The following EPB41L4B variants were observed in gnomAD, a reference collection of about 807,000 sequenced individuals.
EPB41L4B encodes the protein band 4.1-like protein 4B.
A neutral mutation model predicts 112.5 loss-of-function variants in EPB41L4B; 30 were observed. The observed-to-expected ratio is 0.27, with a 90% CI of 0.20 to 0.36. The LOEUF (loss-of-function observed/expected upper bound fraction) is 0.36. Ranked by LOEUF, EPB41L4B falls within the 10% of genes least tolerant of loss-of-function variation. The pLI, the probability that EPB41L4B is intolerant of heterozygous loss-of-function variation, is 1.00. For synonymous variants in EPB41L4B, 408 were observed against 439.7 expected (o/e 0.93, Z 0.90); for missense variants, 1,024 against 1,133.3 (o/e 0.90, Z 1.38).
intron 2 of EPB41L4B, among the ~76,000 whole-genome samples, chr9:109,268,823 G>A (rs542864242): frequency 2.0e-5 from 3 of 151,484 alleles, no homozygotes; most frequent in Admixed American, 6.6e-5. Flanking sequence ...CGTGAACCCA[G>A]GAGGCGGAGC....
At chr9:109,271,302 T>C (rs1179142243) in intron 2 of EPB41L4B, among the ~76,000 whole-genome samples, 1 of 152,230 alleles carries the variant, frequency 6.6e-6, no homozygotes, top group African/African-American at 2.4e-5. Context: ...TAGATGCCTA[T>C]GAAAAGTCTG....
chr9:109,212,058 C>T (rs2118809098), intron 17 of EPB41L4B, among the ~76,000 whole-genome samples: 1 of 152,188 alleles, frequency 6.6e-6, no homozygotes, highest in Non-Finnish European at 1.5e-5. Context: ...GGAGTTGTAA[C>T]TTGACCTCCA....
intron 15 of EPB41L4B, among the ~76,000 whole-genome samples, chr9:109,235,256 A>G (rs1834097699): frequency 6.6e-6 from 1 of 152,010 alleles, no homozygotes; most frequent in Non-Finnish European, 1.5e-5. Flanking sequence ...TTTCAAAGAG[A>G]CATGTCTTTA....
At chr9:109,234,788 GTGGAGGCTGCAGTGGGCCATGAT>G (rs1429303126) in intron 15 of EPB41L4B, among the ~76,000 whole-genome samples, 2 of 152,202 alleles carry the variant, frequency 1.3e-5, no homozygotes, top group Non-Finnish European at 2.9e-5. Context: ...AGCCCCGGAG[GTGGAGGCTGCAGTGGGCCATGAT>G]TGCACCACTG....
intron 21 of EPB41L4B, among the ~76,000 whole-genome samples, chr9:109,192,702 G>A (rs1003609112): frequency 1.3e-5 from 2 of 152,112 alleles, no homozygotes; most frequent in African/African-American, 4.8e-5. Context: ...CCTAGATTAA[G>A]AGGATCAAAT....
At chr9:109,258,671 C>T (rs1160791498) in intron 6 of EPB41L4B, among the ~76,000 whole-genome samples, 1 of 152,212 alleles carries the variant, frequency 6.6e-6, no homozygotes, top group African/African-American at 2.4e-5. Flanking sequence ...TTTAACAAGC[C>T]TCTCGTTAAG....
intron 2 of EPB41L4B, among the ~76,000 whole-genome samples, chr9:109,274,692 C>T (rs1835747885): frequency 1.3e-5 from 2 of 152,170 alleles, no homozygotes; most frequent in South Asian, 4.1e-4. Flanking sequence ...ATATTCAAGC[C>T]GTATAGCCAA....
intron 13 of EPB41L4B, 48 bp downstream of exon 13, chr9:109,251,433 A>G: frequency 1.3e-6 from 2 of 1,570,806 alleles, no homozygotes; most frequent in South Asian, 2.2e-5. Flanking sequence ...GCAAATAAAT[A>G]CGATCCTTAG....
At chr9:109,192,852 C>T (rs1255142365) in intron 21 of EPB41L4B, among the ~76,000 whole-genome samples, 1 of 152,108 alleles carries the variant, frequency 6.6e-6, no homozygotes, top group Non-Finnish European at 1.5e-5. Context: ...CATGGATGGC[C>T]TCGAGGTCTT....
At chr9:109,217,207 CT>C in intron 15 of EPB41L4B, 62 bp from the exon 16 acceptor site, 4 of 1,485,098 alleles carry the variant, frequency 2.7e-6, no homozygotes, top group Non-Finnish European at 3.8e-6. Context: ...CCTCTGTGTA[CT>C]TTCAAAGACG....
chr9:109,236,161 C>T (rs1225299046), intron 15 of EPB41L4B, among the ~76,000 whole-genome samples: 3 of 152,320 alleles, frequency 2.0e-5, no homozygotes, highest in South Asian at 2.1e-4. Flanking sequence ...TGTATACACA[C>T]GCCCAGTCCT....
chr9:109,269,553 G>A (rs764890405), intron 2 of EPB41L4B, among the ~76,000 whole-genome samples: 7 of 152,182 alleles, frequency 4.6e-5, no homozygotes, highest in Non-Finnish European at 8.8e-5. Context: ...ACTGTTTCCT[G>A]TGCCAGGCAC....
chr9:109,225,125 G>A (rs1322226412), intron 15 of EPB41L4B, among the ~76,000 whole-genome samples: 1 of 152,244 alleles, frequency 6.6e-6, no homozygotes, highest in Non-Finnish European at 1.5e-5. Flanking sequence ...AACAGAGACT[G>A]TCACATCACA....
chr9:109,219,511 C>A (rs1222714304), intron 15 of EPB41L4B, among the ~76,000 whole-genome samples: 1 of 152,128 alleles, frequency 6.6e-6, no homozygotes, highest in Non-Finnish European at 1.5e-5. Flanking sequence ...CATGCACCTG[C>A]CACCACTCCT....
At chr9:109,269,299 G>A (rs1835524700) in intron 2 of EPB41L4B, among the ~76,000 whole-genome samples, 1 of 152,228 alleles carries the variant, frequency 6.6e-6, no homozygotes, top group African/African-American at 2.4e-5. Flanking sequence ...TCTGGTCAAT[G>A]AGGGCATTTT....
At chr9:109,183,003 G>A (rs892760000) in intron 23 of EPB41L4B, among the ~76,000 whole-genome samples, 1 of 152,190 alleles carries the variant, frequency 6.6e-6, no homozygotes, top group Admixed American at 6.5e-5. Context: ...ACTGCAGGAC[G>A]GGCCTCAGCA....
chr9:109,207,797 C>T, intron 18 of EPB41L4B, 127 bp downstream of exon 18: 1 of 1,168,760 alleles, frequency 8.6e-7, no homozygotes, highest in Non-Finnish European at 1.2e-6. Context: ...GTTCACATGC[C>T]CGGTTCTCAT....
chr9:109,238,002 G>A (rs1014231460), intron 15 of EPB41L4B, among the ~76,000 whole-genome samples: 4 of 152,076 alleles, frequency 2.6e-5, no homozygotes, highest in Admixed American at 1.3e-4. Flanking sequence ...GGATCCCCAC[G>A]GTTGCAAATG....
chr9:109,178,534 C>G, intron 24 of EPB41L4B, among the ~76,000 whole-genome samples: 1 of 152,110 alleles, frequency 6.6e-6, no homozygotes, highest in East Asian at 1.9e-4. Flanking sequence ...TGCCACCGCA[C>G]TCAGCTAATT....
Sources: allele counts gnomAD v4.1 joint callset (sites outside exome capture counted in the v4.1 genomes callset), GRCh38; gene constraint gnomAD v4.1.1; transcripts MANE v1.5; gene names NCBI Gene and HGNC (gene_info 2026-07-23, HGNC 2026-07-21).